PPM1L: variants seen among roughly 807,000 people sequenced by gnomAD.
PPM1L encodes the protein protein phosphatase, Mg2+/Mn2+ dependent 1L.
PPM1L carries 13 observed loss-of-function variants against 31.4 expected under a neutral mutation model. The ratio of observed to expected loss-of-function variants is 0.41; its 90% CI spans 0.27 to 0.66. The LOEUF (loss-of-function observed/expected upper bound fraction) is 0.66. Among genes scored for constraint, PPM1L ranks in the 30% least tolerant of loss-of-function variants. The pLI is 0.29. For synonymous variants in PPM1L, 184 were observed against 175.4 expected (o/e 1.05, Z -0.39); for missense variants, 326 against 453.7 (o/e 0.72, Z 2.56).
intron 1 of PPM1L, among the ~76,000 whole-genome samples, chr3:160,907,085 A>G (rs1036912689): frequency 6.6e-6 from 1 of 152,200 alleles, no homozygotes. Flanking sequence ...ATTGGGGACT[A>G]TTTTAGGGGC....
intron 1 of PPM1L, among the ~76,000 whole-genome samples, chr3:160,818,193 T>C (rs1713053235): frequency 6.6e-6 from 1 of 152,004 alleles, no homozygotes; most frequent in African/African-American, 2.4e-5. Context: ...AGTTTGAAGA[T>C]CTTCAAGAGC....
chr3:160,834,019 A>ATTTT (rs78707253), intron 1 of PPM1L, among the ~76,000 whole-genome samples: 3 of 128,756 alleles, frequency 2.3e-5, no homozygotes, highest in African/African-American at 6.0e-5. Flanking sequence ...TCTCCCAGGA[A>ATTTT]TTTTTTTTTT....
chr3:160,796,408 A>G (rs1394822297), intron 1 of PPM1L, among the ~76,000 whole-genome samples: 1 of 152,116 alleles, frequency 6.6e-6, no homozygotes, highest in Non-Finnish European at 1.5e-5. Context: ...CATTACCCTT[A>G]ATTTTTGAAA....
chr3:160,815,921 G>C (rs150623093), intron 1 of PPM1L, among the ~76,000 whole-genome samples: 267 of 152,262 alleles, frequency 1.8e-3, no homozygotes, highest in Non-Finnish European at 2.2e-3. Context: ...CCCTAGGAAG[G>C]ATTGGTATGT....
At chr3:160,969,909 G>A (rs796894013) in intron 2 of PPM1L, among the ~76,000 whole-genome samples, 48 of 152,278 alleles carry the variant, frequency 3.2e-4, no homozygotes, top group African/African-American at 1.1e-3. Context: ...AAAAGGAAGA[G>A]AAAAAGATAA....
chr3:160,817,478 T>C (rs1373170740), intron 1 of PPM1L, among the ~76,000 whole-genome samples: 3 of 152,112 alleles, frequency 2.0e-5, no homozygotes, highest in Non-Finnish European at 2.9e-5. Flanking sequence ...TGTATATGAT[T>C]ACCAACATCT....
At chr3:160,857,308 G>A (rs994981408) in intron 1 of PPM1L, among the ~76,000 whole-genome samples, 2 of 151,968 alleles carry the variant, frequency 1.3e-5, no homozygotes, top group African/African-American at 2.4e-5. Context: ...TTTAGCCTCC[G>A]AAGTCCTTAT....
rs562443960 is a variant in PPM1L at position 161,022,014 on chromosome 3, G to A, written c.575-43389G>A. On this transcript the variant is annotated intron_variant, in intron 2 of 3. Coordinates refer to ENST00000498165, the MANE Select transcript of PPM1L (RefSeq NM_139245.4). ...TTATGTTTAAGGTAATTACCTACAAGTTAAAAGTTATGTTTACTATTTTAC... is the reference window on the plus strand; with the variant it reads ...TTATGTTTAAGGTAATTACCTACAAATTAAAAGTTATGTTTACTATTTTAC... 1.8e-4 allele frequency: 83 copies of A among 449,802 alleles called. 1 individual carries two copies. Among genetic ancestry groups the A allele is most frequent in the African/African-American group, 1.6e-3 (79 of 49,250 alleles). The allele number at this position is 449,802 out of a possible 1,614,324, so 27.9% of individuals were successfully genotyped here. A position where few individuals can be genotyped will look rare whatever the true frequency, so the allele number is the denominator to read the frequency against.
intron 2 of PPM1L, among the ~76,000 whole-genome samples, chr3:161,050,361 A>G (rs12496196): frequency 0.13 from 20,289 of 152,214 alleles, 1,504 homozygotes; most frequent in South Asian, 0.27. Flanking sequence ...ACCAAGAAAC[A>G]TGAAAGTAAA....
intron 1 of PPM1L, among the ~76,000 whole-genome samples, chr3:160,908,614 A>G (rs1713846234): frequency 6.6e-6 from 1 of 152,206 alleles, no homozygotes; most frequent in South Asian, 2.1e-4. Context: ...CCAAATATTT[A>G]TGGAAACCTT....
intron 2 of PPM1L, among the ~76,000 whole-genome samples, chr3:161,059,955 C>T (rs1243694079): frequency 6.6e-6 from 1 of 152,124 alleles, no homozygotes; most frequent in Admixed American, 6.5e-5. Context: ...GCTTCCAGTA[C>T]AGCCTCCAGA....
chr3:160,933,972 A>G (rs2108081425), intron 1 of PPM1L, among the ~76,000 whole-genome samples: 1 of 152,362 alleles, frequency 6.6e-6, no homozygotes, highest in South Asian at 2.1e-4. Context: ...ATATGTCATT[A>G]ATCCTATTTC....
intron 1 of PPM1L, among the ~76,000 whole-genome samples, chr3:160,856,744 A>T (rs1351269280): frequency 1.3e-5 from 2 of 151,940 alleles, no homozygotes; most frequent in Non-Finnish European, 2.9e-5. Flanking sequence ...TGTACATCAA[A>T]CCTTCGTGAC....
In PPM1L at chr3:161,074,676, T is replaced by C. The variant is rs1720047367; in HGVS notation, c.*5519T>C. The C allele has an allele frequency of 6.6e-6, 1 of 152,180 alleles. No individual in the cohort carries two copies. The highest frequency in any genetic ancestry group is 2.4e-5 in the African/African-American group (1 of 41,446). The allele number at this position is 152,180 out of a possible 1,614,324, so 9.4% of individuals were successfully genotyped here. Reference sequence around the variant, plus strand: ...TGTCTATTTGTTATTTTTACCACTGTTGAACAGCAAACTGTTGAGGCTAGG... The same window carrying C: ...TGTCTATTTGTTATTTTTACCACTGCTGAACAGCAAACTGTTGAGGCTAGG... On this transcript the variant is annotated 3_prime_UTR_variant, in exon 4 of 4. Transcript: ENST00000498165.
intron 1 of PPM1L, among the ~76,000 whole-genome samples, chr3:160,951,746 C>T (rs1179664257): frequency 6.6e-6 from 1 of 152,152 alleles, no homozygotes; most frequent in African/African-American, 2.4e-5. Flanking sequence ...CTGGGATAAT[C>T]TGTAACTTAG....
intron 1 of PPM1L, among the ~76,000 whole-genome samples, chr3:160,808,417 G>GCA: frequency 1.5e-5 from 2 of 135,022 alleles, no homozygotes; most frequent in South Asian, 2.2e-4. Context: ...GTGTGTGTGT[G>GCA]TGTGTGGTGG....
chr3:160,786,151 C>CTGTGTGTGTGTGTG (rs1318787874), intron 1 of PPM1L, among the ~76,000 whole-genome samples: 5 of 85,684 alleles, frequency 5.8e-5, no homozygotes, highest in African/African-American at 8.4e-5. Context: ...CTCTCTCTCT[C>CTGTGTGTGTGTGTG]TCTCTCTGTG....
intron 2 of PPM1L, among the ~76,000 whole-genome samples, chr3:161,034,391 G>T (rs12639317): frequency 2.2e-4 from 33 of 152,056 alleles, no homozygotes; most frequent in African/African-American, 8.0e-4. Flanking sequence ...ACACATACAC[G>T]TGTATGTTTA....
At chr3:160,872,381 A>G (rs1468759688) in intron 1 of PPM1L, among the ~76,000 whole-genome samples, 3 of 152,122 alleles carry the variant, frequency 2.0e-5, no homozygotes, top group Admixed American at 6.5e-5. Flanking sequence ...TAAAACTTTG[A>G]CAATAACAAC....
Sources: allele counts gnomAD v4.1 joint callset (sites outside exome capture counted in the v4.1 genomes callset), GRCh38; gene constraint gnomAD v4.1.1; transcripts MANE v1.5; gene names NCBI Gene and HGNC (gene_info 2026-07-23, HGNC 2026-07-21).